The following ZNF385D variants were observed in gnomAD, a reference collection of about 807,000 sequenced individuals.
The protein encoded by ZNF385D is zinc finger protein 385D, also known as zinc finger protein 659.
A neutral mutation model predicts 35.8 loss-of-function variants in ZNF385D; 15 were observed. The observed-to-expected ratio is 0.42, with a 90% CI of 0.28 to 0.64. ZNF385D has a LOEUF of 0.64. ZNF385D is among the 30% of genes least tolerant of loss of function. The pLI is 0.23. For synonymous variants in ZNF385D, 212 were observed against 186.8 expected (o/e 1.13, Z -1.10); for missense variants, 474 against 494.6 (o/e 0.96, Z 0.39).
At chr3:22,291,062 C>T (rs1357818351) in intron 2 of ZNF385D, among the ~76,000 whole-genome samples, 2 of 152,130 alleles carry the variant, frequency 1.3e-5, no homozygotes, top group Admixed American at 6.5e-5. Flanking sequence ...TTCCCAAAGG[C>T]TCCATCTAAA....
chr3:21,745,939 T>C (rs1393379307), intron 1 of ZNF385D, among the ~76,000 whole-genome samples: 2 of 152,192 alleles, frequency 1.3e-5, no homozygotes, highest in Non-Finnish European at 2.9e-5. Context: ...TCTTATTAAG[T>C]CAATACTTAA....
chr3:22,190,018 G>A (rs12107233), intron 2 of ZNF385D, among the ~76,000 whole-genome samples: 93,568 of 152,006 alleles, frequency 0.62, 31,019 homozygotes, highest in African/African-American at 0.87. Flanking sequence ...TGTTTGTATT[G>A]TTTGGAAAAA....
At chr3:21,848,907 A>T (rs1377128321) in intron 3 of ZNF385D, among the ~76,000 whole-genome samples, 1 of 152,100 alleles carries the variant, frequency 6.6e-6, no homozygotes, top group Non-Finnish European at 1.5e-5. Context: ...TAGAGATCAT[A>T]GTCTTCTATC....
At chr3:21,786,168 GCTTT>G (rs1388093628) in intron 3 of ZNF385D, among the ~76,000 whole-genome samples, 1 of 152,086 alleles carries the variant, frequency 6.6e-6, no homozygotes, top group African/African-American at 2.4e-5. Flanking sequence ...CTCAAACTCA[GCTTT>G]CTTTGACACT....
intron 3 of ZNF385D, among the ~76,000 whole-genome samples, chr3:21,969,470 G>A (rs1270837615): frequency 6.6e-6 from 1 of 152,174 alleles, no homozygotes; most frequent in Non-Finnish European, 1.5e-5. Context: ...CAGCCATGCT[G>A]AGCTGTGAGT....
intron 3 of ZNF385D, among the ~76,000 whole-genome samples, chr3:22,007,093 T>A (rs1696257146): frequency 6.6e-6 from 1 of 151,764 alleles, no homozygotes; most frequent in Non-Finnish European, 1.5e-5. Flanking sequence ...ACTGTTCATA[T>A]GTTTCAAAAA....
chr3:22,290,492 CA>C (rs1286737752), intron 2 of ZNF385D, among the ~76,000 whole-genome samples: 10 of 152,156 alleles, frequency 6.6e-5, no homozygotes, highest in Non-Finnish European at 1.3e-4. Flanking sequence ...GGATCTCTGT[CA>C]CTCAAACAGT....
At chr3:22,310,819 T>G (rs1703497787) in intron 2 of ZNF385D, among the ~76,000 whole-genome samples, 1 of 151,888 alleles carries the variant, frequency 6.6e-6, no homozygotes, top group Non-Finnish European at 1.5e-5. Context: ...TCTATTAAAA[T>G]ATAATTTTAT....
chr3:21,564,808 C>G, intron 2 of ZNF385D, 124 bp from the exon 3 acceptor site: 1 of 431,504 alleles, frequency 2.3e-6, no homozygotes, highest in Non-Finnish European at 4.0e-6. Context: ...TTATAAAGAA[C>G]CTTTTTATTC....
intron 3 of ZNF385D, among the ~76,000 whole-genome samples, chr3:22,049,304 A>AAATAAAAT (rs1347213670): frequency 6.6e-5 from 10 of 151,012 alleles, no homozygotes; most frequent in African/African-American, 2.2e-4. Flanking sequence ...CTCAAAAATA[A>AAATAAAAT]AATAAAATAA....
intron 4 of ZNF385D, among the ~76,000 whole-genome samples, chr3:21,500,938 G>A (rs1020530880): frequency 9.2e-5 from 14 of 152,166 alleles, no homozygotes; most frequent in Non-Finnish European, 4.4e-5. Flanking sequence ...GGCAATTCCC[G>A]TGGCCTTCTT....
At chr3:21,685,559 C>T (rs747187544) in intron 1 of ZNF385D, among the ~76,000 whole-genome samples, 11 of 152,140 alleles carry the variant, frequency 7.2e-5, no homozygotes, top group Non-Finnish European at 1.3e-4. Context: ...GCAGCACATG[C>T]GGTCTTGCTC....
chr3:21,453,068 A>G (rs771373098), intron 4 of ZNF385D, among the ~76,000 whole-genome samples: 1 of 151,842 alleles, frequency 6.6e-6, no homozygotes. Context: ...AAACCCATAC[A>G]TTTATGGCCA....
chr3:21,733,364 G>C (rs181457794), intron 1 of ZNF385D, among the ~76,000 whole-genome samples: 14 of 152,006 alleles, frequency 9.2e-5, no homozygotes, highest in African/African-American at 3.4e-4. Flanking sequence ...TGGCTCTCTA[G>C]GTCTTTTGCC....
At chr3:21,993,862 A>G (rs1421037876) in intron 3 of ZNF385D, among the ~76,000 whole-genome samples, 1 of 152,190 alleles carries the variant, frequency 6.6e-6, no homozygotes, top group East Asian at 1.9e-4. Flanking sequence ...CAGCTGAAAA[A>G]TGAGTAACAT....
At chr3:21,648,591 C>A (rs376970895) in intron 2 of ZNF385D, among the ~76,000 whole-genome samples, 6 of 152,092 alleles carry the variant, frequency 3.9e-5, no homozygotes, top group African/African-American at 7.2e-5. Context: ...TTGATAACAA[C>A]TGGAAAAAGA....
At chr3:22,171,444 T>C (rs1031916045) in intron 2 of ZNF385D, among the ~76,000 whole-genome samples, 1 of 152,110 alleles carries the variant, frequency 6.6e-6, no homozygotes, top group Non-Finnish European at 1.5e-5. Flanking sequence ...AAAGACTATA[T>C]TATCAGGCAA....
intron 2 of ZNF385D, among the ~76,000 whole-genome samples, chr3:21,615,560 CATTT>C (rs2064821341): frequency 6.6e-6 from 1 of 151,988 alleles, no homozygotes; most frequent in Non-Finnish European, 1.5e-5. Flanking sequence ...GAATTTATTC[CATTT>C]AACTTCTGTA....
intron 2 of ZNF385D, among the ~76,000 whole-genome samples, chr3:21,586,252 G>A (rs2063808226): frequency 6.6e-6 from 1 of 152,108 alleles, no homozygotes; most frequent in South Asian, 2.1e-4. Flanking sequence ...TATTGAGGTG[G>A]GTAGGCCTGT....
Sources: gnomAD v4.1 joint callset for allele counts (sites outside exome capture counted in the v4.1 genomes callset) on GRCh38, gnomAD v4.1.1 for gene constraint, MANE v1.5 for transcripts, NCBI Gene and HGNC (gene_info 2026-07-23, HGNC 2026-07-21) for gene names.